The following MEAK7 variants were observed in gnomAD, a reference collection of about 807,000 sequenced individuals.
MEAK7 encodes the protein MTOR-associated protein MEAK7.
Under a neutral mutation model 40.5 loss-of-function variants are expected in MEAK7, and 68 were observed. The observed-to-expected ratio is 1.68, with a 90% confidence interval of 1.38 to 2.06. The LOEUF (loss-of-function observed/expected upper bound fraction) is 2.06, where lower values mean the gene tolerates loss of function less well. Among genes scored for constraint, MEAK7 ranks in the 30% most tolerant of loss-of-function variants. The pLI is 0.00. For missense variants in MEAK7, 918 were observed against 580.5 expected (o/e 1.58, Z -5.98); for synonymous variants, 338 against 231.9 (o/e 1.46, Z -4.16).
At chr16:84,498,423 G>C (rs1011979554) in intron 1 of MEAK7, among the ~76,000 whole-genome samples, 1 of 151,428 alleles carries the variant, frequency 6.6e-6, no homozygotes, top group Non-Finnish European at 1.5e-5. Context: ...ACCACACCAG[G>C]ATGCCTGGCT....
At position 84,495,854 on chromosome 16, in the gene MEAK7, C is replaced by T. The variant is rs1269292735; in HGVS notation, c.213G>A (p.Arg71=). The T allele has an allele frequency of 1.2e-6, 2 of 1,614,116 alleles. No individual in the cohort carries two copies. The highest frequency in any genetic ancestry group is 2.2e-5 in the South Asian group (2 of 91,080). The change falls in exon 3 of 8, where the codon CGG becomes CGA. Residue 71 remains arginine (R), a synonymous_variant. Transcript: ENST00000343629. Reference sequence around the variant, plus strand: ...TCGCCTTCCCTGTCAGGTCGACCCTCCGCATGCCATCATACAGCCTGGTGA... The same window carrying T: ...TCGCCTTCCCTGTCAGGTCGACCCTTCGCATGCCATCATACAGCCTGGTGA... ...EMVTRLYDGM[R]RVDLTGKAKG...
chr16:84,499,221 G>C (rs1384038203), intron 1 of MEAK7, among the ~76,000 whole-genome samples: 1 of 152,180 alleles, frequency 6.6e-6, no homozygotes, highest in Non-Finnish European at 1.5e-5. Context: ...AAAAAAGCAT[G>C]GTTGGAAATG....
rs999974825 is a variant in MEAK7, at chr16:84,476,550, T to C, written c.*3363A>G. 17 of 152,068 alleles carry C rather than the reference T, an allele frequency of 1.1e-4. No homozygotes were observed. Among genetic ancestry groups the C allele is most frequent in the African/African-American group, 3.6e-4 (15 of 41,386 alleles). The allele number at this position is 152,068 out of a possible 1,614,324, so 9.4% of individuals were successfully genotyped here. A position where few individuals can be genotyped will look rare whatever the true frequency, so the allele number is the denominator to read the frequency against. On this transcript the variant is annotated 3_prime_UTR_variant, in exon 8 of 8. Transcript: ENST00000343629. ...AGACACCATCACAGCAAGGCACACATAAACGATATTCATGACAATGATTAG... is the reference window on the plus strand; with the variant it reads ...AGACACCATCACAGCAAGGCACACACAAACGATATTCATGACAATGATTAG...
chr16:84,495,742 TGA>T lies in MEAK7; in HGVS notation c.323_324del (p.Leu108HisfsTer64). ...GTGGCAGAAATCATTTTCATAATCATGAGACTCTTCTCCTCGGAGTTTCCTTT... is the reference window on the plus strand; with the variant it reads ...GTGGCAGAAATCATTTTCATAATCATGACTCTTCTCCTCGGAGTTTCCTTT... ...LLKGNSEEKS[L>X]MIMKMISATE... On this transcript the variant is annotated frameshift_variant, in exon 3 of 8. Transcript: ENST00000343629. LOFTEE classifies it high-confidence loss of function. 6.2e-7 allele frequency: 1 copy of T among 1,613,942 alleles called. No homozygotes were observed. Among genetic ancestry groups the T allele is most frequent in the Admixed American group, 1.7e-5 (1 of 60,008 alleles).
intron 7 of MEAK7, 58 bp downstream of exon 7, chr16:84,480,471 C>G: frequency 6.6e-7 from 1 of 1,512,394 alleles, no homozygotes; most frequent in South Asian, 1.3e-5. Context: ...TAAGAAAATG[C>G]AGAAAGGCCC....
chr16:84,480,392 G>C (rs1912421538), intron 7 of MEAK7, 137 bp downstream of exon 7: 2 of 1,076,832 alleles, frequency 1.9e-6, no homozygotes, highest in African/African-American at 1.6e-5. Context: ...TGGCATCCAA[G>C]CCAGCATCAG....
At chr16:84,502,215 A>G (rs1914559999) in intron 1 of MEAK7, among the ~76,000 whole-genome samples, 1 of 151,366 alleles carries the variant, frequency 6.6e-6, no homozygotes, top group Non-Finnish European at 1.5e-5. Context: ...GTACCAGTGG[A>G]GCTCGACTGG....
chr16:84,484,957 C>T (rs1321262197), intron 5 of MEAK7, among the ~76,000 whole-genome samples: 2 of 152,212 alleles, frequency 1.3e-5, no homozygotes, highest in African/African-American at 4.8e-5. Context: ...CAGCAGAGTC[C>T]ATCTGAAATT....
intron 3 of MEAK7, chr16:84,494,622 C>T (rs182242892): frequency 8.9e-6 from 3 of 338,296 alleles, no homozygotes; most frequent in African/African-American, 4.4e-5. Context: ...TATGAGTTTT[C>T]CAGTGTTGTC....
Position 84,489,563 on chromosome 16 carries a change from G to C in MEAK7, c.385-141C>G. ...GGGGAAAGGTCATGCAATGTATGTAGTTACTCGTTTTTCTAATGATGCACT... is the reference window on the plus strand; with the variant it reads ...GGGGAAAGGTCATGCAATGTATGTACTTACTCGTTTTTCTAATGATGCACT... On this transcript the variant is annotated intron_variant, in intron 3 of 7. Transcript: ENST00000343629. 4.9e-6 allele frequency: 5 copies of C among 1,017,096 alleles called. No homozygotes were observed. The East Asian group carries it at 8.3e-5, about 17-fold the overall frequency. 63.0% of individuals were successfully genotyped at this position (1,017,096 alleles called of 1,614,324 possible). A position where few individuals can be genotyped will look rare whatever the true frequency, so the allele number is the denominator to read the frequency against.
At chr16:84,495,642 G>C (rs765907768) in intron 3 of MEAK7, 41 bp downstream of exon 3, 3 of 1,598,006 alleles carry the variant, frequency 1.9e-6, no homozygotes, top group South Asian at 1.1e-5. Context: ...TGGTCACCAA[G>C]ACTGCTGAGG....
intron 6 of MEAK7, among the ~76,000 whole-genome samples, chr16:84,481,748 A>C (rs1296934293): frequency 6.6e-6 from 1 of 152,140 alleles, no homozygotes; most frequent in Non-Finnish European, 1.5e-5. Context: ...CCTGGCTAAC[A>C]TGGTGAAACC....
chr16:84,491,268 T>C (rs771405138), intron 3 of MEAK7, among the ~76,000 whole-genome samples: 1 of 151,998 alleles, frequency 6.6e-6, no homozygotes, highest in East Asian at 1.9e-4. Context: ...GGTGAAACTG[T>C]ATCTCTAAAA....
intron 5 of MEAK7, chr16:84,486,393 G>A (rs1913057911): frequency 3.9e-6 from 5 of 1,287,866 alleles, no homozygotes; most frequent in Middle Eastern, 2.9e-4. Flanking sequence ...CCGGCACCGT[G>A]TAATAACTGG....
chr16:84,484,923 G>A (rs1166976909), intron 5 of MEAK7, among the ~76,000 whole-genome samples: 1 of 152,202 alleles, frequency 6.6e-6, no homozygotes, highest in Non-Finnish European at 1.5e-5. Flanking sequence ...GATTAAGTCT[G>A]CTTGTTAATA....
intron 1 of MEAK7, chr16:84,499,809 G>A (rs1914351439): frequency 6.6e-6 from 1 of 152,232 alleles, no homozygotes; most frequent in African/African-American, 2.4e-5. Context: ...GGCCAAGGCA[G>A]GAGAATCACT....
rs1387622959 is a variant in MEAK7 at position 84,489,344 on chromosome 16, C to A, written c.463G>T (p.Ala155Ser). ...QELRGWTGKE[A>S]PGPNPRVQVL... ...TGCACCCGGGGGTTGGGCCCTGGGGCTTCCTTCCCAGTCCAGCCTCTCAGC... is the reference window on the plus strand; with the variant it reads ...TGCACCCGGGGGTTGGGCCCTGGGGATTCCTTCCCAGTCCAGCCTCTCAGC... The change falls in exon 4 of 8, where the codon GCC (alanine) becomes TCC (serine). Residue 155 changes from alanine to serine, a missense_variant. Coordinates refer to ENST00000343629, the MANE Select transcript of MEAK7 (RefSeq NM_020947.4). 6.2e-7 allele frequency: 1 copy of A among 1,614,230 alleles called. No homozygotes were observed. The highest frequency in any genetic ancestry group is 1.3e-5 in the African/African-American group (1 of 75,070).
chr16:84,486,510 G>C, intron 5 of MEAK7, 121 bp downstream of exon 5: 3 of 1,458,472 alleles, frequency 2.1e-6, no homozygotes, highest in African/African-American at 1.4e-5. Flanking sequence ...CCCCGACTGC[G>C]TCTAGAGAAA....
In MEAK7 at chr16:84,479,859, G is replaced by T; in HGVS notation, c.*54C>A. On this transcript the variant is annotated 3_prime_UTR_variant, in exon 8 of 8. Transcript: ENST00000343629. ...GGAGGGAAGAGGGGCTGCAGGCGTT[G>T]CCCTCTACCCAGAGGAATCCAGGTC... 7.2e-7 allele frequency: 1 copy of T among 1,394,200 alleles called. No individual in the cohort carries two copies. The highest frequency in any genetic ancestry group is 2.1e-5 in the Admixed American group (1 of 48,208). 86.4% of individuals were successfully genotyped at this position (1,394,200 alleles called of 1,614,324 possible). A position where few individuals can be genotyped will look rare whatever the true frequency, so the allele number is the denominator to read the frequency against.
Sources: gnomAD v4.1 joint callset for allele counts (sites outside exome capture counted in the v4.1 genomes callset) on GRCh38, gnomAD v4.1.1 for gene constraint, MANE v1.5 for transcripts, NCBI Gene and HGNC (gene_info 2026-07-23, HGNC 2026-07-21) for gene names.